Variants in EGFL6 observed in about 807,000 individuals in gnomAD.
EGFL6 encodes the protein epidermal growth factor-like protein 6.
Under a neutral mutation model 43.1 loss-of-function variants are expected in EGFL6, and 42 were observed. That is an observed-to-expected ratio of 0.98 (90% CI 0.76 to 1.26). The LOEUF is 1.26. EGFL6 is among the 50% of genes most tolerant of loss of function. The pLI, the probability that EGFL6 is intolerant of heterozygous loss-of-function variation, is 0.00. For missense variants in EGFL6, 429 were observed against 427.8 expected (o/e 1.00, Z -0.02); for synonymous variants, 164 against 163.2 (o/e 1.01, Z -0.04).
chrX:13,583,414 C>T (rs1337041234), intron 1 of EGFL6, among the ~76,000 whole-genome samples: 1 of 111,467 alleles, frequency 9.0e-6, no homozygotes, highest in Non-Finnish European at 1.9e-5. Flanking sequence ...TGAGAACTTG[C>T]CCCTTTGGTA....
At chrX:13,626,882 C>A in intron 10 of EGFL6, 129 bp from the exon 11 acceptor site, 1 of 722,442 alleles carries the variant, frequency 1.4e-6, no homozygotes, top group Non-Finnish European at 2.0e-6. Context: ...TTCCTATGTT[C>A]AAAATGAAAA....
intron 11 of EGFL6, among the ~76,000 whole-genome samples, chrX:13,628,739 G>A (rs758003021): frequency 2.1e-4 from 23 of 111,733 alleles, no homozygotes; most frequent in Non-Finnish European, 2.6e-4. Flanking sequence ...CCCGGGAGGC[G>A]GAGGTTGCAG....
chrX:13,579,402 C>T (rs1282577399), intron 1 of EGFL6, among the ~76,000 whole-genome samples: 3 of 111,298 alleles, frequency 2.7e-5, no homozygotes, highest in Non-Finnish European at 5.7e-5. Flanking sequence ...CCAGCTCCAC[C>T]CATGTTCTTG....
chrX:13,621,234 T>G (rs925799920), intron 9 of EGFL6, among the ~76,000 whole-genome samples: 1 of 112,125 alleles, frequency 8.9e-6, no homozygotes, highest in African/African-American at 3.2e-5. Flanking sequence ...GAGGCAATAA[T>G]GGGTATGTTA....
intron 2 of EGFL6, among the ~76,000 whole-genome samples, chrX:13,593,078 C>A (rs1425669820): frequency 9.1e-6 from 1 of 109,714 alleles, no homozygotes; most frequent in African/African-American, 3.3e-5. Flanking sequence ...CCACGCCTGG[C>A]TAATTTTTGT....
intron 7 of EGFL6, among the ~76,000 whole-genome samples, chrX:13,616,610 C>CAA (rs748286483): frequency 1.2e-5 from 1 of 84,231 alleles, no homozygotes; most frequent in Non-Finnish European, 2.4e-5. Flanking sequence ...AACTCTGTCT[C>CAA]AAAAAAAAAA....
At chrX:13,608,623 C>T (rs1319848199) in intron 7 of EGFL6, among the ~76,000 whole-genome samples, 177 bp downstream of exon 7, 1 of 111,888 alleles carries the variant, frequency 8.9e-6, no homozygotes, top group Non-Finnish European at 1.9e-5. Context: ...CTCTTCTTTG[C>T]TAATTGGACC....
intron 1 of EGFL6, among the ~76,000 whole-genome samples, chrX:13,581,157 C>T (rs1448359517): frequency 8.9e-6 from 1 of 112,053 alleles, no homozygotes; most frequent in East Asian, 2.8e-4. Flanking sequence ...ATAGAGGAAG[C>T]AATGGAAAGT....
intron 1 of EGFL6, among the ~76,000 whole-genome samples, chrX:13,570,151 C>T (rs1014503149): frequency 8.9e-6 from 1 of 111,782 alleles, no homozygotes; most frequent in African/African-American, 3.3e-5. Flanking sequence ...CTAGTTAGCT[C>T]CTTTTGCATC....
At chrX:13,577,345 T>C (rs868723039) in intron 1 of EGFL6, among the ~76,000 whole-genome samples, 38 of 52,252 alleles carry the variant, frequency 7.3e-4, no homozygotes, top group African/African-American at 1.9e-3. Context: ...TATATATACA[T>C]ACACACACAC....
chrX:13,623,377 G>GTTTTTTTTTTTTTTTTTTTTTTTTTTTTT lies in EGFL6; in HGVS notation c.1184-427_1184-426insTTTTTTTTTTTTTTTTTTTTTTTTTTTTT, dbSNP rs774112791. On this transcript the variant is annotated intron_variant, in intron 9 of 11. Transcript: ENST00000361306. Reference sequence around the variant, plus strand: ...AAAAAGGGTTTTTGTTTTATTTTGGGTTTTTTTTTTTTTTTTTTTTGAGAC... The same window carrying GTTTTTTTTTTTTTTTTTTTTTTTTTTTTT: ...AAAAAGGGTTTTTGTTTTATTTTGGGTTTTTTTTTTTTTTTTTTTTTTTTTTTTTTTTTTTTTTTTTTTTTTTTTGAGAC... Among the ~76,000 whole-genome samples the GTTTTTTTTTTTTTTTTTTTTTTTTTTTTT allele has an allele frequency of 4.2e-4, 17 of 40,362 alleles. 5 individuals are homozygous for GTTTTTTTTTTTTTTTTTTTTTTTTTTTTT. Among genetic ancestry groups the GTTTTTTTTTTTTTTTTTTTTTTTTTTTTT allele is most frequent in the Admixed American group, 6.5e-4 (2 of 3,098 alleles). The allele number at this position is 40,362 out of a possible 115,157, so 35.0% of individuals were successfully genotyped here.
At chrX:13,622,096 C>T (rs746513684) in intron 9 of EGFL6, among the ~76,000 whole-genome samples, 1 of 112,403 alleles carries the variant, frequency 8.9e-6, no homozygotes, top group Admixed American at 9.4e-5. Flanking sequence ...AGTATTAGCA[C>T]TCATTGAAGA....
chrX:13,570,952 G>A (rs966189066), intron 1 of EGFL6, among the ~76,000 whole-genome samples: 1 of 111,751 alleles, frequency 8.9e-6, no homozygotes, highest in African/African-American at 3.3e-5. Flanking sequence ...GTGTCCACTA[G>A]AATATGGTTT....
At chrX:13,570,079 G>C in intron 1 of EGFL6, 144 bp downstream of exon 1, 1 of 600,694 alleles carries the variant, frequency 1.7e-6, no homozygotes, top group Non-Finnish European at 2.7e-6. Flanking sequence ...ATTTAACCTG[G>C]ATACCAGGCC....
intron 1 of EGFL6, among the ~76,000 whole-genome samples, chrX:13,570,672 G>C (rs1022769934): frequency 2.7e-5 from 3 of 112,057 alleles, no homozygotes; most frequent in Non-Finnish European, 5.6e-5. Flanking sequence ...ACTGTTCTAA[G>C]CACTTCAGGA....
At chrX:13,618,679 T>C (rs932159369) in intron 8 of EGFL6, among the ~76,000 whole-genome samples, 10 of 111,379 alleles carry the variant, frequency 9.0e-5, no homozygotes, top group African/African-American at 2.9e-4. Context: ...CCTGCATCTC[T>C]ACACTGAGAC....
At chrX:13,571,123 C>CCAT in intron 1 of EGFL6, among the ~76,000 whole-genome samples, 1 of 95,886 alleles carries the variant, frequency 1.0e-5, no homozygotes, top group Non-Finnish European at 2.1e-5. Context: ...ACCACCACCA[C>CCAT]CACCACCAAG....
intron 2 of EGFL6, among the ~76,000 whole-genome samples, chrX:13,592,076 T>C (rs907308617): frequency 2.2e-4 from 24 of 111,545 alleles, no homozygotes; most frequent in African/African-American, 7.5e-4. Flanking sequence ...ATTGAAAACA[T>C]CTTACTGAAG....
intron 4 of EGFL6, among the ~76,000 whole-genome samples, chrX:13,600,382 G>A (rs2045627240): frequency 1.0e-5 from 1 of 96,753 alleles, no homozygotes; most frequent in African/African-American, 3.9e-5. Flanking sequence ...TGCCTCCTGA[G>A]TTCAAGCAAT....
Sources: allele counts gnomAD v4.1 joint callset (sites outside exome capture counted in the v4.1 genomes callset), GRCh38; gene constraint gnomAD v4.1.1; transcripts MANE v1.5; gene names NCBI Gene and HGNC (gene_info 2026-07-23, HGNC 2026-07-21).